ZNF195: variants seen among roughly 807,000 people sequenced by gnomAD.
The protein encoded by ZNF195 is hypoxia-regulated factor-1.
A neutral mutation model predicts 19.5 loss-of-function variants in ZNF195; 11 were observed. That is an observed-to-expected ratio of 0.57 (90% CI 0.36 to 0.94). ZNF195 has a LOEUF of 0.94. Ranked by LOEUF, ZNF195 falls within the 40% of genes least tolerant of loss-of-function variation. ZNF195 has a pLI of 0.01. For synonymous variants in ZNF195, 214 were observed against 248.1 expected, an observed-to-expected ratio of 0.86 and a Z score of 1.29; for missense variants, 582 against 709.0, an observed-to-expected ratio of 0.82 and a Z score of 2.03.
intron 2 of ZNF195, 112 bp downstream of exon 2, chr11:3,371,465 A>G: frequency 7.3e-7 from 1 of 1,365,236 alleles, no homozygotes; most frequent in Non-Finnish European, 1.0e-6. Context: ...TCTTAAAAGC[A>G]GGGATCTGAA....
intron 1 of ZNF195, among the ~76,000 whole-genome samples, chr11:3,374,844 T>C (rs2133736475): frequency 6.6e-6 from 1 of 152,378 alleles, no homozygotes; most frequent in African/African-American, 2.4e-5. Context: ...TTGTGGCTTG[T>C]GAAGCAACTA....
At chr11:3,373,702 C>T (rs1849323572) in intron 1 of ZNF195, 4 of 1,337,846 alleles carry the variant, frequency 3.0e-6, no homozygotes, top group South Asian at 1.3e-5. Flanking sequence ...ACAACCCCTT[C>T]ACCTGCTACC....
intron 3 of ZNF195, among the ~76,000 whole-genome samples, chr11:3,362,249 C>T (rs1218747767): frequency 6.6e-6 from 1 of 152,104 alleles, no homozygotes; most frequent in Non-Finnish European, 1.5e-5. Context: ...GAGTCCTTTC[C>T]ACTGAAAATA....
intron 1 of ZNF195, among the ~76,000 whole-genome samples, chr11:3,374,864 C>T (rs926925858): frequency 6.6e-6 from 1 of 152,362 alleles, no homozygotes. Flanking sequence ...ATTAGACCCA[C>T]AGGACTGAGA....
intron 3 of ZNF195, among the ~76,000 whole-genome samples, chr11:3,366,263 C>CAAAAAA (rs35338297): frequency 1.5e-4 from 13 of 88,946 alleles, no homozygotes; most frequent in South Asian, 4.8e-4. Flanking sequence ...GACTCCATCT[C>CAAAAAA]AAAAAAAAAA....
chr11:3,372,842 G>T (rs1017780795), intron 1 of ZNF195, among the ~76,000 whole-genome samples: 4 of 152,116 alleles, frequency 2.6e-5, no homozygotes, highest in Non-Finnish European at 5.9e-5. Flanking sequence ...GGCAATTCTC[G>T]TCCCTCAGCC....
At chr11:3,377,244 C>T (rs910366691) in intron 1 of ZNF195, among the ~76,000 whole-genome samples, 1 of 152,202 alleles carries the variant, frequency 6.6e-6, no homozygotes, top group Non-Finnish European at 1.5e-5. Context: ...CAGAGAGTGG[C>T]AGTGCCGACT....
chr11:3,378,747 T>A (rs1316131560), intron 1 of ZNF195, among the ~76,000 whole-genome samples: 1 of 152,238 alleles, frequency 6.6e-6, no homozygotes, highest in Non-Finnish European at 1.5e-5. Flanking sequence ...CTACAGATCA[T>A]CCTCTTATGC....
At chr11:3,367,867 T>C (rs1848981133) in intron 3 of ZNF195, among the ~76,000 whole-genome samples, 1 of 151,776 alleles carries the variant, frequency 6.6e-6, no homozygotes, top group Admixed American at 6.6e-5. Context: ...AGGTCGGGAG[T>C]TCGAGGCCAG....
chr11:3,359,497 T>G lies in ZNF195; in HGVS notation c.1511A>C (p.Lys504Thr). 6.2e-7 allele frequency: 1 copy of G among 1,614,186 alleles called. No individual in the cohort carries two copies. The highest frequency in any genetic ancestry group is 1.3e-5 in the African/African-American group (1 of 75,046). ...YTCEECGNIF[K>T]QLSDLTKHKK... ...ATGCTTAGTGAGGTCTGATAACTGC[T>G]TAAAGATGTTGCCACATTCTTCACA... Residue 504 changes from lysine (K) to threonine (T), a missense_variant, in exon 6 of 6, where the codon AAG (lysine) becomes ACG (threonine). Lys to Thr is a moderately conservative substitution (Grantham distance 78, BLOSUM62 -1). Transcript: ENST00000399602. The surrounding 1 kb of genome is among the most constrained non-coding windows in gnomAD (Gnocchi z 5.5).
chr11:3,362,609 G>A (rs1036080876), intron 3 of ZNF195: 5 of 563,902 alleles, frequency 8.9e-6, no homozygotes, highest in African/African-American at 7.5e-5. Context: ...ATACCTATAA[G>A]ACACACAAAA....
At chr11:3,373,685 T>TA in intron 1 of ZNF195, 1 of 1,518,230 alleles carries the variant, frequency 6.6e-7, no homozygotes, top group Non-Finnish European at 8.9e-7. Context: ...CCTTTAAAGG[T>TA]GTTAGCACAA....
Position 3,360,298 on chromosome 11 carries a change from C to T in ZNF195, c.710G>A (p.Ser237Asn), listed in dbSNP as rs761141317. 3.0e-5 allele frequency: 48 copies of T among 1,609,210 alleles called. No homozygotes were observed. The highest frequency in any genetic ancestry group is 1.9e-5 in the Non-Finnish European group (22 of 1,176,104). Reference sequence around the variant, plus strand: ...TTTGAAAGGTTTCTCTCCAGTATTACTTATATTACGTCTATGTAAATTTGA... The same window carrying T: ...TTTGAAAGGTTTCTCTCCAGTATTATTTATATTACGTCTATGTAAATTTGA... ...NFSNLHRRNI[S>N]NTGEKPFKCQ... The change falls in exon 6 of 6, where the codon AGT (serine) becomes AAT (asparagine). Residue 237 changes from serine to asparagine, a missense_variant. By Grantham distance (46) the Ser-to-Asn change is conservative. Coordinates refer to ENST00000399602, the MANE Select transcript of ZNF195 (RefSeq NM_001130520.3).
intron 3 of ZNF195, among the ~76,000 whole-genome samples, chr11:3,364,660 A>G (rs541638311): frequency 1.6e-4 from 24 of 151,588 alleles, no homozygotes; most frequent in Non-Finnish European, 3.4e-4. Flanking sequence ...GAAAATACCT[A>G]TACAAGGTCT....
Position 3,379,106 on chromosome 11 carries a change from C to T in ZNF195, c.-66G>A. 6.9e-7 allele frequency: 1 copy of T among 1,447,714 alleles called. No individual in the cohort carries two copies. 89.7% of individuals were successfully genotyped at this position (1,447,714 alleles called of 1,614,324 possible). A position where few individuals can be genotyped will look rare whatever the true frequency, so the allele number is the denominator to read the frequency against. ...TCCCGGTGCCTGCGGGTCACACGACCTACGGCTAGCAGGGGACACAGAGCC... is the reference window on the plus strand; with the variant it reads ...TCCCGGTGCCTGCGGGTCACACGACTTACGGCTAGCAGGGGACACAGAGCC... On this transcript the variant is annotated 5_prime_UTR_variant, in exon 1 of 6. Transcript: ENST00000399602.
At chr11:3,378,955 G>T in intron 1 of ZNF195, 83 bp downstream of exon 1, 1 of 1,310,780 alleles carries the variant, frequency 7.6e-7, no homozygotes, top group Non-Finnish European at 9.8e-7. Context: ...ACCCACCCGG[G>T]CAGCCCGGTT....
intron 3 of ZNF195, among the ~76,000 whole-genome samples, chr11:3,370,475 A>G (rs191247917): frequency 4.3e-4 from 66 of 152,350 alleles, no homozygotes; most frequent in African/African-American, 1.5e-3. Context: ...CTGAGTATAC[A>G]TTTCTGTAGA....
At position 3,360,768 on chromosome 11, in the gene ZNF195, G is replaced by T. The variant is rs748467521; in HGVS notation, c.394C>A (p.Leu132Met). Residue 132 changes from leucine to methionine, a missense_variant, in exon 5 of 6, where the codon CTG becomes ATG. Physicochemically the swap from Leu to Met is conservative, Grantham distance 15. Around this residue, in one of 3 missense-constraint regions of ZNF195, gnomAD observed 129 missense variants for 112.1 expected, o/e 1.15. Transcript: ENST00000399602. Reference protein sequence around the residue: ...KFTALCSPGVLQTVKWFLEFR... With the variant: ...KFTALCSPGVMQTVKWFLEFR... ...TCTAAAAACCATTTCACAGTTTGCA[G>T]CACCCCAGGTGAGCACAGTGCTAGG... 1.9e-6 allele frequency: 3 copies of T among 1,551,480 alleles called. No homozygotes were observed. Among genetic ancestry groups the T allele is most frequent in the East Asian group, 4.9e-5 (2 of 40,914 alleles).
In ZNF195 at chr11:3,359,432, C is replaced by T. The variant is rs376637698; in HGVS notation, c.1576G>A (p.Glu526Lys). ...HTGEKPYKCDECGKNFTQSSN... is the reference protein window; with the variant it reads ...HTGEKPYKCDKCGKNFTQSSN... ...GACTGGGTAAAGTTTTTTCCACATT[C>T]GTCACATTTGTAGGGCTTCTCTCCA... Residue 526 changes from glutamate to lysine, a missense_variant, in exon 6 of 6, where the codon GAA (glutamate) becomes AAA (lysine). By Grantham distance (56) the Glu-to-Lys change is moderately conservative (BLOSUM62 1). Around this residue, in one of 3 missense-constraint regions of ZNF195, gnomAD observed 407 missense variants for 530.5 expected, o/e 0.77. Coordinates refer to ENST00000399602, the MANE Select transcript of ZNF195 (RefSeq NM_001130520.3). This position sits in a 1 kb window ranked among gnomAD's most constrained non-coding sequence, Gnocchi z 5.5. 6.8e-6 allele frequency: 11 copies of T among 1,614,176 alleles called. No individual in the cohort carries two copies. Among genetic ancestry groups the T allele is most frequent in the Admixed American group, 3.3e-5 (2 of 60,032 alleles).
Sources: gnomAD v4.1 joint callset for allele counts (sites outside exome capture counted in the v4.1 genomes callset) on GRCh38, gnomAD v4.1.1 for gene constraint, gnomAD v4.1.1 regional missense constraint, Gnocchi (gnomAD v3.1) non-coding constraint, MANE v1.5 for transcripts, NCBI Gene and HGNC (gene_info 2026-07-23, HGNC 2026-07-21) for gene names.